TP53BP2: variants seen among roughly 807,000 people sequenced by gnomAD.
TP53BP2 encodes tumor protein p53 binding protein 2, also known as apoptosis-stimulating of p53 protein 2.
Under a neutral mutation model 126.2 loss-of-function variants are expected in TP53BP2, and 62 were observed. The observed-to-expected ratio is 0.49, with a 90% confidence interval of 0.40 to 0.61. The LOEUF (loss-of-function observed/expected upper bound fraction) is 0.61. Among genes scored for constraint, TP53BP2 ranks in the 20% least tolerant of loss-of-function variants. TP53BP2 has a pLI of 0.00. For synonymous variants in TP53BP2, 485 were observed against 502.9 expected, an observed-to-expected ratio of 0.96 and a Z score of 0.48; for missense variants, 1,215 against 1,402.8, an observed-to-expected ratio of 0.87 and a Z score of 2.14.
At chr1:223,804,373 T>C (rs1331764785) in intron 5 of TP53BP2, 25 bp from the exon 6 acceptor site, 6 of 1,607,500 alleles carry the variant, frequency 3.7e-6, no homozygotes, top group Non-Finnish European at 5.1e-6. Context: ...AATCATTAGG[T>C]ATGTCATTTT....
In TP53BP2 at chr1:223,807,010, G is replaced by A. The variant is rs12022914; in HGVS notation, c.373-63C>T. On this transcript the variant is annotated intron_variant, in intron 4 of 17. Transcript: ENST00000343537. Reference sequence around the variant, plus strand: ...ACTATAAAACTACCACAGAGATTCCGCCCTCAAAGGTCTATGTAAAAGCTT... The same window carrying A: ...ACTATAAAACTACCACAGAGATTCCACCCTCAAAGGTCTATGTAAAAGCTT... The A allele has an allele frequency of 3.6e-3, 4,481 of 1,256,276 alleles. 192 individuals carry two copies. The East Asian group carries it at 0.088, about 25-fold the overall frequency. The allele number at this position is 1,256,276 out of a possible 1,614,324, so 77.8% of individuals were successfully genotyped here.
Position 223,803,442 on chromosome 1 carries a change from A to C in TP53BP2, c.660T>G (p.Ile220Met). 1 of 1,611,682 alleles carries C rather than the reference A, an allele frequency of 6.2e-7. No individual in the cohort carries two copies. The highest frequency in any genetic ancestry group is 8.5e-7 in the Non-Finnish European group (1 of 1,178,726). The change falls in exon 7 of 18, where the codon ATT becomes ATG. Residue 220 changes from isoleucine to methionine, a missense_variant. Ile to Met is a conservative substitution (Grantham distance 10, BLOSUM62 1). Coordinates refer to ENST00000343537, the MANE Select transcript of TP53BP2 (RefSeq NM_001031685.3). ...RLSNGKLVEE[I>M]EQMNNLFQQK... The stretch of plus-strand genomic sequence containing the variant: ...GCTGGAACAAATTATTCATCTGTTC[A>C]ATTTCCTCCACTAGATGAGACAGAG...
At position 223,816,657 on chromosome 1, in the gene TP53BP2, T is replaced by A. The variant is rs529784135; in HGVS notation, c.176-2304A>T. Among the ~76,000 whole-genome samples the A allele has an allele frequency of 1.5e-4, 23 of 152,292 alleles. No homozygotes were observed. In the Middle Eastern group the frequency reaches 0.01, roughly 68 times the overall value. ...CAGTTTAGTAAAAGTTAAAATATTA[T>A]AACTTGATGAGGAATACATCTAGAA... On this transcript the variant is annotated intron_variant, in intron 2 of 17. Transcript: ENST00000343537.
chr1:223,838,997 T>C (rs1488681243), intron 1 of TP53BP2, among the ~76,000 whole-genome samples: 2 of 150,824 alleles, frequency 1.3e-5, no homozygotes, highest in Admixed American at 6.6e-5. Context: ...TAAGGGACGA[T>C]GTCTCCATTT....
chr1:223,828,618 T>C (rs1304527245), intron 1 of TP53BP2, among the ~76,000 whole-genome samples: 1 of 152,150 alleles, frequency 6.6e-6, no homozygotes, highest in Non-Finnish European at 1.5e-5. Context: ...ATCTTAAAAG[T>C]CCACTATATT....
At chr1:223,812,635 C>T (rs1235933903) in intron 3 of TP53BP2, among the ~76,000 whole-genome samples, 1 of 152,170 alleles carries the variant, frequency 6.6e-6, no homozygotes, top group Non-Finnish European at 1.5e-5. Flanking sequence ...TCTCGGCTCA[C>T]TGCAACCGCC....
intron 1 of TP53BP2, among the ~76,000 whole-genome samples, chr1:223,827,081 C>T (rs114949451): frequency 0.017 from 2,625 of 152,166 alleles, 82 homozygotes; most frequent in African/African-American, 0.06. Context: ...ATATGAGACA[C>T]CTATGGAACA....
rs1189112013 is a variant in TP53BP2 at position 223,845,653 on chromosome 1, C to G, written c.27+1G>C. 6.4e-7 allele frequency: 1 copy of G among 1,554,998 alleles called. No individual in the cohort carries two copies. Among genetic ancestry groups the G allele is most frequent in the Non-Finnish European group, 8.6e-7 (1 of 1,158,590 alleles). ...GACGCCCTGGCCGCTCGCCCACTTACCGGCATCATCTTGGACCCGAACCGC... is the reference window on the plus strand; with the variant it reads ...GACGCCCTGGCCGCTCGCCCACTTAGCGGCATCATCTTGGACCCGAACCGC... On this transcript the variant is annotated splice_donor_variant, in intron 1 of 17. Coordinates refer to ENST00000343537, the MANE Select transcript of TP53BP2 (RefSeq NM_001031685.3). LOFTEE classifies it high-confidence loss of function.
chr1:223,831,474 AAAAAAAAT>A (rs1302786752), intron 1 of TP53BP2, among the ~76,000 whole-genome samples: 1,303 of 72,156 alleles, frequency 0.018, 25 homozygotes, highest in Non-Finnish European at 0.021. Flanking sequence ...TCTAAAAAAA[AAAAAAAAT>A]ATATATATAT....
At chr1:223,797,133 G>GAA (rs10690972) in intron 12 of TP53BP2, among the ~76,000 whole-genome samples, 49,771 of 151,974 alleles carry the variant, frequency 0.33, 12,433 homozygotes, top group African/African-American at 0.7. Flanking sequence ...CCCATGAAAA[G>GAA]AAGAGTAAGA....
intron 1 of TP53BP2, among the ~76,000 whole-genome samples, chr1:223,827,424 G>A (rs1663539659): frequency 6.6e-6 from 1 of 152,190 alleles, no homozygotes; most frequent in Admixed American, 6.5e-5. Context: ...GCAAGATGGA[G>A]GCTGCTGACT....
chr1:223,800,435 G>C (rs938443742), intron 10 of TP53BP2, among the ~76,000 whole-genome samples: 1 of 152,024 alleles, frequency 6.6e-6, no homozygotes, highest in Non-Finnish European at 1.5e-5. Flanking sequence ...ACAGAAATTA[G>C]TCAGGCATGG....
intron 16 of TP53BP2, 105 bp from the exon 17 acceptor site, chr1:223,784,419 T>G: frequency 1.9e-6 from 2 of 1,036,540 alleles, no homozygotes. Flanking sequence ...AGGTACAGGC[T>G]GGAATGTTAG....
In TP53BP2 at chr1:223,793,449, A is replaced by C; in HGVS notation, c.2725-9T>G. 1.3e-6 allele frequency: 2 copies of C among 1,560,148 alleles called. No homozygotes were observed. Among genetic ancestry groups the C allele is most frequent in the Non-Finnish European group, 1.7e-6 (2 of 1,157,248 alleles). Reference sequence around the variant, plus strand: ...AAGTTTGTCCTTTTACCCTGCAAAGAAAATGGGTGGAAAATTTAGGATCCT... The same window carrying C: ...AAGTTTGTCCTTTTACCCTGCAAAGCAAATGGGTGGAAAATTTAGGATCCT... On this transcript the variant is annotated splice_polypyrimidine_tract_variant and intron_variant, in intron 13 of 17. Coordinates refer to ENST00000343537, the MANE Select transcript of TP53BP2 (RefSeq NM_001031685.3).
At chr1:223,808,708 A>G (rs1662810752) in intron 4 of TP53BP2, among the ~76,000 whole-genome samples, 1 of 151,646 alleles carries the variant, frequency 6.6e-6, no homozygotes. Context: ...CTTAGATACA[A>G]CACTAAAAGT....
intron 9 of TP53BP2, chr1:223,801,897 G>A: frequency 2.6e-6 from 1 of 377,650 alleles, no homozygotes; most frequent in Non-Finnish European, 4.7e-6. Context: ...TTCATTTCCT[G>A]AATAGAATTG....
intron 2 of TP53BP2, among the ~76,000 whole-genome samples, chr1:223,819,683 C>T (rs1663232663): frequency 7.8e-6 from 1 of 128,890 alleles, no homozygotes; most frequent in African/African-American, 3.8e-5. Flanking sequence ...GAGACTCCAT[C>T]TCAAAAAAAG....
At chr1:223,799,142 T>C (rs60164080) in intron 11 of TP53BP2, among the ~76,000 whole-genome samples, 17,330 of 152,170 alleles carry the variant, frequency 0.11, 1,252 homozygotes, top group East Asian at 0.21. Context: ...ATGTACTTAT[T>C]TATTTTTATA....
At chr1:223,786,604 GTGTA>G (rs1356346665) in intron 16 of TP53BP2, among the ~76,000 whole-genome samples, 9 of 150,104 alleles carry the variant, frequency 6.0e-5, no homozygotes, top group East Asian at 1.9e-4. Context: ...GTGTGTGTGT[GTGTA>G]TATTTTTTTT....
Sources: gnomAD v4.1 joint callset for allele counts (sites outside exome capture counted in the v4.1 genomes callset) on GRCh38, gnomAD v4.1.1 for gene constraint, MANE v1.5 for transcripts, NCBI Gene and HGNC (gene_info 2026-07-23, HGNC 2026-07-21) for gene names.